Variants in CACNA2D3 observed in about 807,000 individuals in gnomAD.
CACNA2D3 encodes voltage-dependent calcium channel subunit alpha-2/delta-3.
A neutral mutation model predicts 160.6 loss-of-function variants in CACNA2D3; 60 were observed. The ratio of observed to expected loss-of-function variants is 0.37; its 90% CI spans 0.30 to 0.46. The LOEUF (loss-of-function observed/expected upper bound fraction) is 0.46. CACNA2D3 is among the 20% of genes least tolerant of loss of function. CACNA2D3 has a pLI of 1.00. For synonymous variants in CACNA2D3, 558 were observed against 492.9 expected (o/e 1.13, Z -1.75); for missense variants, 1,205 against 1,365.0 (o/e 0.88, Z 1.85).
chr3:54,980,805 G>A (rs1702490317), intron 29 of CACNA2D3, among the ~76,000 whole-genome samples: 2 of 152,088 alleles, frequency 1.3e-5, no homozygotes, highest in South Asian at 4.2e-4. Context: ...ATTTAGCAAA[G>A]CTAATATCTG....
chr3:54,163,870 C>G (rs1024184401), intron 2 of CACNA2D3, among the ~76,000 whole-genome samples: 1 of 152,152 alleles, frequency 6.6e-6, no homozygotes, highest in African/African-American at 2.4e-5. Context: ...GTACCTGGCC[C>G]TTTGCTACAC....
At chr3:54,683,962 CTTTTT>C (rs61481695) in intron 11 of CACNA2D3, among the ~76,000 whole-genome samples, 4 of 110,828 alleles carry the variant, frequency 3.6e-5, no homozygotes, top group African/African-American at 8.6e-5. Context: ...AAATTTCCAC[CTTTTT>C]TTTTTTTTTT....
chr3:54,856,678 G>A (rs758018835), intron 17 of CACNA2D3, among the ~76,000 whole-genome samples: 9 of 152,170 alleles, frequency 5.9e-5, no homozygotes, highest in Non-Finnish European at 1.3e-4. Context: ...GGATAAGCTC[G>A]CCAAAAGAAA....
chr3:54,467,059 G>T (rs13080236), intron 4 of CACNA2D3, among the ~76,000 whole-genome samples: 12,856 of 152,190 alleles, frequency 0.084, 749 homozygotes, highest in Admixed American at 0.14. Context: ...TTGGTATGTC[G>T]TCTTTGAGTG....
intron 11 of CACNA2D3, among the ~76,000 whole-genome samples, chr3:54,698,213 AG>A (rs2106943480): frequency 6.6e-6 from 1 of 152,318 alleles, no homozygotes; most frequent in East Asian, 1.9e-4. Context: ...TTTGTAACCA[AG>A]GGGTAGTCTC....
intron 13 of CACNA2D3, among the ~76,000 whole-genome samples, chr3:54,769,790 A>G (rs1702286225): frequency 6.6e-6 from 1 of 152,206 alleles, no homozygotes. Flanking sequence ...CATATTCATA[A>G]TAGAACTTGG....
At chr3:54,776,272 G>A (rs1349218145) in intron 13 of CACNA2D3, among the ~76,000 whole-genome samples, 3 of 152,202 alleles carry the variant, frequency 2.0e-5, no homozygotes, top group Non-Finnish European at 2.9e-5. Context: ...CCAGCACTTA[G>A]CGAGGCTTAG....
chr3:54,667,158 C>T (rs1700082065), intron 11 of CACNA2D3, among the ~76,000 whole-genome samples: 1 of 152,170 alleles, frequency 6.6e-6, no homozygotes, highest in Non-Finnish European at 1.5e-5. Flanking sequence ...GGTACATGAA[C>T]ACTGTTTTAA....
intron 4 of CACNA2D3, among the ~76,000 whole-genome samples, chr3:54,467,797 G>A (rs1296451294): frequency 6.6e-6 from 1 of 152,150 alleles, no homozygotes; most frequent in East Asian, 1.9e-4. Context: ...ATAAATGCTT[G>A]TGTTCCATTG....
intron 2 of CACNA2D3, among the ~76,000 whole-genome samples, chr3:54,142,463 T>C (rs1699955124): frequency 6.6e-6 from 1 of 152,160 alleles, no homozygotes; most frequent in South Asian, 2.1e-4. Flanking sequence ...CTTTGTTCAT[T>C]ATAGCTGACC....
intron 11 of CACNA2D3, among the ~76,000 whole-genome samples, chr3:54,714,601 A>C (rs1701016881): frequency 6.6e-6 from 1 of 152,018 alleles, no homozygotes; most frequent in Admixed American, 6.6e-5. Context: ...ATTCAGCCCA[A>C]CTCTTCCAAC....
chr3:54,287,705 A>G (rs1157072265), intron 2 of CACNA2D3, among the ~76,000 whole-genome samples: 4 of 146,148 alleles, frequency 2.7e-5, no homozygotes, highest in Non-Finnish European at 6.1e-5. Flanking sequence ...ATGTAAAAGA[A>G]CAGAGATTAT....
intron 6 of CACNA2D3, among the ~76,000 whole-genome samples, chr3:54,563,853 C>T (rs886179596): frequency 5.9e-5 from 9 of 152,168 alleles, no homozygotes; most frequent in South Asian, 2.1e-4. Flanking sequence ...CTGTTTGCCC[C>T]GCGCACAGCA....
intron 4 of CACNA2D3, among the ~76,000 whole-genome samples, chr3:54,488,587 A>G (rs1373517249): frequency 6.6e-6 from 1 of 152,030 alleles, no homozygotes; most frequent in Admixed American, 6.5e-5. Context: ...GGCTGCCCTT[A>G]GCCCCTCTGA....
chr3:54,221,860 T>C (rs1577008338), intron 2 of CACNA2D3, among the ~76,000 whole-genome samples: 1 of 152,232 alleles, frequency 6.6e-6, no homozygotes, highest in Admixed American at 6.5e-5. Context: ...AAAAAAAATA[T>C]TTTTTTGAGA....
At chr3:54,484,270 C>T (rs1487117414) in intron 4 of CACNA2D3, among the ~76,000 whole-genome samples, 1 of 152,064 alleles carries the variant, frequency 6.6e-6, no homozygotes, top group African/African-American at 2.4e-5. Context: ...TCTTTCTGTT[C>T]CATTCTCCTT....
At chr3:54,919,035 C>T in intron 27 of CACNA2D3, 1 of 663,650 alleles carries the variant, frequency 1.5e-6, no homozygotes. Flanking sequence ...AATTTAACAA[C>T]CATATTTTAT....
Position 54,642,241 on chromosome 3 carries a change from G to A in CACNA2D3, c.1167G>A (p.Lys389=), listed in dbSNP as rs1699537519. 1 of 1,595,670 alleles carries A rather than the reference G, an allele frequency of 6.3e-7. No individual in the cohort carries two copies. The highest frequency in any genetic ancestry group is 8.6e-7 in the Non-Finnish European group (1 of 1,166,134). The change falls in exon 11 of 38, where the codon AAG becomes AAA. Residue 389 remains lysine (K), a splice_region_variant and synonymous_variant. Coordinates refer to ENST00000474759, the MANE Select transcript of CACNA2D3 (RefSeq NM_018398.3). ...CAAAATACAATTGGCCAGATCGAAA[G>A]GTAAGTTGATGCTGATCCCGTCTGT... The part of the protein sequence containing the change: ...IFAKYNWPDR[K]VRIFTYLIGR...
chr3:55,041,654 CA>C (rs1335401823), intron 35 of CACNA2D3, among the ~76,000 whole-genome samples: 1 of 151,852 alleles, frequency 6.6e-6, no homozygotes, highest in Non-Finnish European at 1.5e-5. Flanking sequence ...CCATATTGTT[CA>C]CTTTCTATTT....
Sources: allele counts gnomAD v4.1 joint callset (sites outside exome capture counted in the v4.1 genomes callset), GRCh38; gene constraint gnomAD v4.1.1; transcripts MANE v1.5; gene names NCBI Gene and HGNC (gene_info 2026-07-23, HGNC 2026-07-21).